The following HTT-AS variants were observed in gnomAD, a reference collection of about 807,000 sequenced individuals.
The protein encoded by HTT-AS is HTT antisense RNA, also known as HTT antisense RNA (head to head).
chr4:3,072,356 G>A (rs1289858944), intron 1 of HTT-AS, among the ~76,000 whole-genome samples: 1 of 152,242 alleles, frequency 6.6e-6, no homozygotes, highest in Non-Finnish European at 1.5e-5. Context: ...GAGCATCCAT[G>A]CCAAGAAGGC....
At chr4:3,073,276 G>A (rs1712238628) in intron 1 of HTT-AS, among the ~76,000 whole-genome samples, 4 of 152,178 alleles carry the variant, frequency 2.6e-5, no homozygotes, top group African/African-American at 9.7e-5. Flanking sequence ...CCGGCTGGGC[G>A]GTTGTCTCTG....
chr4:3,049,695 G>C (rs1017439586), exon 3 of HTT-AS, among the ~76,000 whole-genome samples: 1 of 152,048 alleles, frequency 6.6e-6, no homozygotes, highest in Non-Finnish European at 1.5e-5. Flanking sequence ...CCAGTCTTCG[G>C]GTTCTAGAAT....
intron 2 of HTT-AS, among the ~76,000 whole-genome samples, chr4:3,055,333 G>A (rs1349057482): frequency 6.6e-6 from 1 of 151,964 alleles, no homozygotes; most frequent in Non-Finnish European, 1.5e-5. Flanking sequence ...CCTGGGTTGG[G>A]CCCTGTCATC....
At chr4:3,069,150 G>GTTT (rs35603397) in intron 1 of HTT-AS, among the ~76,000 whole-genome samples, 1 of 144,532 alleles carries the variant, frequency 6.9e-6, no homozygotes, top group Non-Finnish European at 1.5e-5. Context: ...AACGGTGTAT[G>GTTT]TTTTTTTTTT....
chr4:3,064,063 A>G (rs1028874677), intron 1 of HTT-AS, among the ~76,000 whole-genome samples: 4 of 151,864 alleles, frequency 2.6e-5, no homozygotes, highest in African/African-American at 7.3e-5. Context: ...AGTGCTGGCT[A>G]TAACACAGGA....
At chr4:3,058,766 C>G (rs1711857595) in intron 2 of HTT-AS, among the ~76,000 whole-genome samples, 1 of 151,522 alleles carries the variant, frequency 6.6e-6, no homozygotes, top group South Asian at 2.1e-4. Flanking sequence ...GTCACCCAGG[C>G]TGGAGTGCTG....
exon 1 of HTT-AS, chr4:3,074,505 C>T (rs1712341243): frequency 3.8e-6 from 1 of 264,198 alleles, no homozygotes; most frequent in Non-Finnish European, 6.9e-6. Flanking sequence ...GCGCTGTCAG[C>T]GGCCTTGCTG....
intron 2 of HTT-AS, among the ~76,000 whole-genome samples, chr4:3,052,290 T>C (rs1313768): frequency 0.69 from 105,610 of 152,140 alleles, 38,439 homozygotes; most frequent in African/African-American, 0.92. Context: ...GCAGGAATAT[T>C]GGCTGTTTGG....
downstream of HTT-AS, among the ~76,000 whole-genome samples, chr4:3,047,317 CAAAA>C (rs1361862591): frequency 6.6e-6 from 1 of 151,642 alleles, no homozygotes; most frequent in Admixed American, 6.6e-5. Context: ...TCTCAAAAAA[CAAAA>C]ACAAAAACAA....
At chr4:3,067,358 T>C (rs1332069859) in intron 1 of HTT-AS, among the ~76,000 whole-genome samples, 2 of 152,132 alleles carry the variant, frequency 1.3e-5, no homozygotes, top group African/African-American at 2.4e-5. Context: ...AGTTCACAAA[T>C]TCAAAGCCCA....
chr4:3,063,110 G>A (rs868510330), exon 2 of HTT-AS, among the ~76,000 whole-genome samples: 1 of 152,164 alleles, frequency 6.6e-6, no homozygotes, highest in Non-Finnish European at 1.5e-5. Context: ...ATCCCTGTAA[G>A]GGTCAGTTGA....
At chr4:3,064,974 G>A (rs1244163338) in intron 1 of HTT-AS, among the ~76,000 whole-genome samples, 1 of 152,088 alleles carries the variant, frequency 6.6e-6, no homozygotes, top group Non-Finnish European at 1.5e-5. Flanking sequence ...ATGCATGGAT[G>A]GTTCAATACA....
chr4:3,062,245 G>C (rs1257158883), intron 2 of HTT-AS, among the ~76,000 whole-genome samples: 2 of 152,014 alleles, frequency 1.3e-5, no homozygotes, highest in African/African-American at 2.4e-5. Flanking sequence ...GTCCAGGCTG[G>C]TCTAAAACCC....
chr4:3,062,759 C>T (rs1275021075), exon 2 of HTT-AS, among the ~76,000 whole-genome samples: 1 of 152,012 alleles, frequency 6.6e-6, no homozygotes, highest in Non-Finnish European at 1.5e-5. Context: ...CCACGACATT[C>T]CTTTCACTTC....
intron 2 of HTT-AS, among the ~76,000 whole-genome samples, chr4:3,062,289 C>T (rs577919493): frequency 1.3e-5 from 2 of 152,248 alleles, no homozygotes; most frequent in South Asian, 2.1e-4. Flanking sequence ...CTCAGCCTCC[C>T]GAAATGCTGG....
chr4:3,049,645 G>T (rs1466691955), exon 3 of HTT-AS, among the ~76,000 whole-genome samples: 1 of 152,072 alleles, frequency 6.6e-6, no homozygotes, highest in Non-Finnish European at 1.5e-5. Context: ...GTTGCAGTGC[G>T]GATGGCAAGG....
intron 1 of HTT-AS, among the ~76,000 whole-genome samples, chr4:3,065,696 A>AC (rs1712034407): frequency 6.6e-6 from 1 of 152,228 alleles, no homozygotes; most frequent in South Asian, 2.1e-4. Context: ...ACGTCAGCCT[A>AC]CAATTGGCAA....
At chr4:3,062,177 A>G (rs1711939967) in intron 2 of HTT-AS, among the ~76,000 whole-genome samples, 1 of 151,782 alleles carries the variant, frequency 6.6e-6, no homozygotes, top group African/African-American at 2.4e-5. Flanking sequence ...CCACAAGTGC[A>G]TGCCACCACA....
At chr4:3,047,333 A>G (rs1711612235), downstream of HTT-AS, among the ~76,000 whole-genome samples, 1 of 152,154 alleles carries the variant, frequency 6.6e-6, no homozygotes, top group Non-Finnish European at 1.5e-5. Flanking sequence ...CAAAAACAAA[A>G]CAAAACAAAA....
Sources: allele counts gnomAD v4.1 joint callset (sites outside exome capture counted in the v4.1 genomes callset), GRCh38; gene constraint gnomAD v4.1.1; transcripts MANE v1.5; gene names NCBI Gene and HGNC (gene_info 2026-07-23, HGNC 2026-07-21).